The following VRK1 variants were observed in gnomAD, a reference collection of about 807,000 sequenced individuals.
VRK1 encodes the protein VRK serine/threonine kinase 1, also known as serine/threonine-protein kinase VRK1.
In VRK1, 33 loss-of-function variants were observed where a neutral mutation model predicts 57.1. That is an observed-to-expected ratio of 0.58 (90% CI 0.44 to 0.77). The LOEUF (loss-of-function observed/expected upper bound fraction) is 0.77, where lower values mean the gene tolerates loss of function less well. Ranked by LOEUF, VRK1 falls within the 30% of genes least tolerant of loss-of-function variation. VRK1 has a pLI of 0.00. For synonymous variants in VRK1, 137 were observed against 147.8 expected (o/e 0.93, Z 0.53); for missense variants, 413 against 477.3 (o/e 0.87, Z 1.25).
chr14:96,808,363 C>T (rs1251434684), intron 1 of VRK1, among the ~76,000 whole-genome samples: 1 of 152,130 alleles, frequency 6.6e-6, no homozygotes, highest in Non-Finnish European at 1.5e-5. Context: ...CTCCCTCATA[C>T]CCTTGCCTCT....
chr14:96,813,205 T>C (rs1326465181), intron 1 of VRK1, among the ~76,000 whole-genome samples: 1 of 152,158 alleles, frequency 6.6e-6, no homozygotes, highest in Non-Finnish European at 1.5e-5. Context: ...TGAACAAGGG[T>C]GTGTAGTCAG....
At chr14:96,811,037 C>T (rs986609648) in intron 1 of VRK1, among the ~76,000 whole-genome samples, 4 of 151,984 alleles carry the variant, frequency 2.6e-5, no homozygotes, top group Admixed American at 2.0e-4. Context: ...TCAAGCGGTT[C>T]TCCCACCTCA....
chr14:96,829,009 G>A (rs1182273130), intron 1 of VRK1, among the ~76,000 whole-genome samples: 1 of 152,168 alleles, frequency 6.6e-6, no homozygotes, highest in South Asian at 2.1e-4. Context: ...GTGGCCTCTT[G>A]CAGAGCAGCT....
At chr14:96,877,366 A>T in intron 12 of VRK1, 1 of 470,954 alleles carries the variant, frequency 2.1e-6, no homozygotes, top group South Asian at 1.9e-5. Context: ...TACTTGAGAT[A>T]CCTGAAGAGG....
intron 7 of VRK1, among the ~76,000 whole-genome samples, chr14:96,854,637 A>G (rs918526311): frequency 6.6e-6 from 1 of 152,206 alleles, no homozygotes; most frequent in Admixed American, 6.5e-5. Flanking sequence ...TTGGCTTTAG[A>G]ATATAGTATT....
chr14:96,876,962 A>G (rs902443496), intron 12 of VRK1, among the ~76,000 whole-genome samples: 5 of 152,050 alleles, frequency 3.3e-5, no homozygotes, highest in Non-Finnish European at 7.4e-5. Context: ...CTGCCAGCCA[A>G]TGTGTTCCAG....
rs10560354 is a variant in VRK1, at chr14:96,836,518, C to CTT, written c.161-1223_161-1222dup. Among the ~76,000 whole-genome samples, 266 of 89,432 alleles carry CTT rather than the reference C, an allele frequency of 3.0e-3. 1 individual carries two copies. The highest frequency in any genetic ancestry group is 6.6e-3 in the Middle Eastern group (1 of 152). 58.7% of individuals were successfully genotyped at this position (89,432 alleles called of 152,430 possible). A position where few individuals can be genotyped will look rare whatever the true frequency, so the allele number is the denominator to read the frequency against. ...GTCAAGCACACTCCTACATCAGGGT[C>CTT]TTTTTTTTTTTTTTTTTTTTTTGAG... On this transcript the variant is annotated intron_variant, in intron 2 of 12. Coordinates refer to ENST00000216639, the MANE Select transcript of VRK1 (RefSeq NM_003384.3).
intron 1 of VRK1, among the ~76,000 whole-genome samples, chr14:96,824,949 G>A (rs1048080038): frequency 6.6e-5 from 10 of 152,098 alleles, no homozygotes; most frequent in Admixed American, 3.3e-4. Flanking sequence ...CACCGCACCC[G>A]GCCAAAAACA....
chr14:96,858,666 C>T (rs1888263317), intron 10 of VRK1, among the ~76,000 whole-genome samples: 1 of 152,140 alleles, frequency 6.6e-6, no homozygotes, highest in African/African-American at 2.4e-5. Flanking sequence ...CCTTTGTTGT[C>T]ATGTTTGTCA....
intron 1 of VRK1, among the ~76,000 whole-genome samples, chr14:96,811,696 G>T (rs1220257936): frequency 6.6e-6 from 1 of 151,740 alleles, no homozygotes; most frequent in African/African-American, 2.4e-5. Context: ...ATTTAGTTTA[G>T]TTTCCACAGA....
intron 11 of VRK1, among the ~76,000 whole-genome samples, chr14:96,872,248 T>C (rs1484254775): frequency 1.3e-5 from 2 of 152,248 alleles, no homozygotes; most frequent in Admixed American, 1.3e-4. Context: ...AACATATATG[T>C]AATTAATGTC....
intron 1 of VRK1, among the ~76,000 whole-genome samples, chr14:96,827,599 G>A (rs762583429): frequency 6.6e-6 from 1 of 152,142 alleles, no homozygotes; most frequent in African/African-American, 2.4e-5. Flanking sequence ...TCTGTCCAGT[G>A]AAGTGTTCCT....
At chr14:96,822,741 G>GTGT in intron 1 of VRK1, among the ~76,000 whole-genome samples, 1 of 152,324 alleles carries the variant, frequency 6.6e-6, no homozygotes, top group Non-Finnish European at 1.5e-5. Context: ...TTTGATTGAA[G>GTGT]TGTTGTGAAC....
chr14:96,857,450 C>T (rs149369511), intron 10 of VRK1, among the ~76,000 whole-genome samples: 17 of 152,124 alleles, frequency 1.1e-4, no homozygotes, highest in East Asian at 5.8e-4. Flanking sequence ...CCAGGAGATG[C>T]GAGGACTGTG....
chr14:96,808,117 G>A (rs78264543), intron 1 of VRK1, among the ~76,000 whole-genome samples: 1,567 of 151,722 alleles, frequency 0.01, 29 homozygotes, highest in African/African-American at 0.036. Context: ...AGAGGCAGCT[G>A]GGCAGAAAGG....
chr14:96,877,618 T>C, intron 12 of VRK1: 1 of 1,287,662 alleles, frequency 7.8e-7, no homozygotes. Context: ...TATACAGCAA[T>C]ATTCTTAAAA....
At chr14:96,830,915 T>A (rs1184748340) in intron 1 of VRK1, among the ~76,000 whole-genome samples, 1 of 152,226 alleles carries the variant, frequency 6.6e-6, no homozygotes, top group Non-Finnish European at 1.5e-5. Flanking sequence ...TTTGGCTTCA[T>A]CCCTAGCAGT....
At position 96,881,247 on chromosome 14, in the gene VRK1, C is replaced by G; in HGVS notation, c.*39C>G. 6.4e-7 allele frequency: 1 copy of G among 1,561,818 alleles called. No homozygotes were observed. Among genetic ancestry groups the G allele is most frequent in the Non-Finnish European group, 8.7e-7 (1 of 1,147,058 alleles). Reference sequence around the variant, plus strand: ...AACCAGATTTCCTTTTCTTTGTTTTCTTTTGACTTTTTTCTCCTTTTCTAT... The same window carrying G: ...AACCAGATTTCCTTTTCTTTGTTTTGTTTTGACTTTTTTCTCCTTTTCTAT... On this transcript the variant is annotated 3_prime_UTR_variant, in exon 13 of 13. Transcript: ENST00000216639.
chr14:96,858,805 T>A (rs1888268884), intron 10 of VRK1: 2 of 152,238 alleles, frequency 1.3e-5, no homozygotes, highest in Non-Finnish European at 2.9e-5. Flanking sequence ...TGATATCTGG[T>A]AGTTGAAATT....
Sources: allele counts gnomAD v4.1 joint callset (sites outside exome capture counted in the v4.1 genomes callset), GRCh38; gene constraint gnomAD v4.1.1; transcripts MANE v1.5; gene names NCBI Gene and HGNC (gene_info 2026-07-23, HGNC 2026-07-21).